Variants in MED9 observed in about 807,000 individuals in gnomAD.
MED9 encodes the protein mediator of RNA polymerase II transcription subunit 9.
MED9 carries 8 observed loss-of-function variants against 13.2 expected under a neutral mutation model. That is an observed-to-expected ratio of 0.61 (90% CI 0.36 to 1.10). The LOEUF (loss-of-function observed/expected upper bound fraction) is 1.10. Ranked by LOEUF, MED9 falls within the 50% of genes least tolerant of loss-of-function variation. MED9 has a pLI of 0.02. For synonymous variants in MED9, 87 were observed against 82.8 expected (o/e 1.05, Z -0.28); for missense variants, 180 against 193.4 (o/e 0.93, Z 0.41).
intron 1 of MED9, among the ~76,000 whole-genome samples, chr17:17,479,688 CATG>C (rs1289608915): frequency 6.6e-6 from 1 of 152,048 alleles, no homozygotes; most frequent in Non-Finnish European, 1.5e-5. Context: ...ATTAGCCAGG[CATG>C]GTGGTGTGTG....
chr17:17,489,876 G>A lies in MED9; in HGVS notation c.225-1403G>A, dbSNP rs866174091. ...ATGGTGGCCATCTGATTTGCAAGGT[G>A]TGAGACGTAACTGATGGATCGCCAG... On this transcript the variant is annotated intron_variant, in intron 1 of 1. Transcript: ENST00000268711. 2.6e-5 allele frequency among the ~76,000 whole-genome samples: 4 copies of A among 152,354 alleles called. No individual in the cohort carries two copies. The South Asian group carries it at 6.2e-4, about 24-fold the overall frequency.
chr17:17,491,799 G>T lies in MED9; in HGVS notation c.*304G>T. 1 of 396,176 alleles carries T rather than the reference G, an allele frequency of 2.5e-6. No individual in the cohort carries two copies. Among genetic ancestry groups the T allele is most frequent in the Non-Finnish European group, 4.8e-6 (1 of 209,364 alleles). 24.5% of individuals were successfully genotyped at this position (396,176 alleles called of 1,614,324 possible). On this transcript the variant is annotated 3_prime_UTR_variant, in exon 2 of 2. Coordinates refer to ENST00000268711, the MANE Select transcript of MED9 (RefSeq NM_018019.3). Reference sequence around the variant, plus strand: ...GGGTGGAGGACTCTCCCCTGCCTCTGGGGAGGGGGCCATCTGCTGCGCCCG... The same window carrying T: ...GGGTGGAGGACTCTCCCCTGCCTCTTGGGAGGGGGCCATCTGCTGCGCCCG...
Position 17,483,550 on chromosome 17 carries a change from T to C in MED9, c.224+6285T>C, listed in dbSNP as rs1434294250. On this transcript the variant is annotated intron_variant, in intron 1 of 1. Transcript: ENST00000268711. This position sits in a 1 kb window ranked among gnomAD's most constrained non-coding sequence, Gnocchi z 4.2. ...AGTGCTCTGGCTGGGACAGCCCTGCTTGGAGTTGGAACCCATAGCACTTTC... is the reference window on the plus strand; with the variant it reads ...AGTGCTCTGGCTGGGACAGCCCTGCCTGGAGTTGGAACCCATAGCACTTTC... 6.6e-6 allele frequency among the ~76,000 whole-genome samples: 1 copy of C among 152,234 alleles called. No individual in the cohort carries two copies. The highest frequency in any genetic ancestry group is 1.5e-5 in the Non-Finnish European group (1 of 68,042).
rs199591223 is a variant in MED9, at chr17:17,491,543, C to T, written c.*48C>T. On this transcript the variant is annotated 3_prime_UTR_variant, in exon 2 of 2. Transcript: ENST00000268711. ...AGAGGGGGAAGCCAATGGCCTGTCT[C>T]CCCACTACCATCCCCAAACGCTCCT... 1.3e-4 allele frequency: 194 copies of T among 1,516,518 alleles called. No homozygotes were observed. Among genetic ancestry groups the T allele is most frequent in the Non-Finnish European group, 1.7e-4 (186 of 1,095,544 alleles). 93.9% of individuals were successfully genotyped at this position (1,516,518 alleles called of 1,614,324 possible). A position where few individuals can be genotyped will look rare whatever the true frequency, so the allele number is the denominator to read the frequency against.
chr17:17,491,486 C>T lies in MED9; in HGVS notation c.432C>T (p.Pro144=), dbSNP rs760637504. 3 of 1,611,638 alleles carry T rather than the reference C, an allele frequency of 1.9e-6. No individual in the cohort carries two copies. Among genetic ancestry groups the T allele is most frequent in the Admixed American group, 3.3e-5 (2 of 60,028 alleles). The part of the protein sequence containing the change: ...KYKSLCMFEI[P]KE Reference sequence around the variant, plus strand: ...AGAGCCTCTGCATGTTCGAAATCCCCAAGGAGTAGAGTGAGGCTGACTTCC... The same window carrying T: ...AGAGCCTCTGCATGTTCGAAATCCCTAAGGAGTAGAGTGAGGCTGACTTCC... Residue 144 remains proline (P), a synonymous_variant, in exon 2 of 2, where the codon CCC becomes CCT. Coordinates refer to ENST00000268711, the MANE Select transcript of MED9 (RefSeq NM_018019.3).
At chr17:17,484,868 C>T (rs73294315) in intron 1 of MED9, among the ~76,000 whole-genome samples, 10,600 of 152,192 alleles carry the variant, frequency 0.07, 728 homozygotes, top group African/African-American at 0.18. Flanking sequence ...CAAGCATTTA[C>T]GTGGGTCCTG....
rs1450455517 is a variant in MED9 at position 17,492,297 on chromosome 17, A to G, written c.*802A>G. ...GTTGACAAGGGGCCGTCCTTTCCACACAGGCCAGAAGAGGTCTTCAGGCGA... is the reference window on the plus strand; with the variant it reads ...GTTGACAAGGGGCCGTCCTTTCCACGCAGGCCAGAAGAGGTCTTCAGGCGA... On this transcript the variant is annotated 3_prime_UTR_variant, in exon 2 of 2. Transcript: ENST00000268711. 6.6e-6 allele frequency: 1 copy of G among 152,434 alleles called. No homozygotes were observed. The highest frequency in any genetic ancestry group is 6.5e-5 in the Admixed American group (1 of 15,288). The allele number at this position is 152,434 out of a possible 1,614,324, so 9.4% of individuals were successfully genotyped here.
At position 17,493,186 on chromosome 17, in the gene MED9, CAT is replaced by C. The variant is rs1271432222; in HGVS notation, c.*1693_*1694del. 2.6e-5 allele frequency: 4 copies of C among 152,168 alleles called. No homozygotes were observed. The highest frequency in any genetic ancestry group is 9.7e-5 in the African/African-American group (4 of 41,416). The allele number at this position is 152,168 out of a possible 1,614,324, so 9.4% of individuals were successfully genotyped here. ...TTTGACTTGTGACATTTTTCAAACA[CAT>C]AATTAAAAGGACTTATGCTCTGCTG... On this transcript the variant is annotated 3_prime_UTR_variant, in exon 2 of 2. Coordinates refer to ENST00000268711, the MANE Select transcript of MED9 (RefSeq NM_018019.3).
chr17:17,491,256 T>C, intron 1 of MED9, 23 bp from the exon 2 acceptor site: 5 of 1,601,038 alleles, frequency 3.1e-6, no homozygotes, highest in Non-Finnish European at 4.3e-6. Context: ...CTGTGAATGC[T>C]AACAGCTGTT....
At chr17:17,479,940 T>C (rs540513707) in intron 1 of MED9, among the ~76,000 whole-genome samples, 1 of 152,284 alleles carries the variant, frequency 6.6e-6, no homozygotes, top group East Asian at 1.9e-4. Flanking sequence ...TCAGGAACTC[T>C]AGTGCAAGGA....
intron 1 of MED9, among the ~76,000 whole-genome samples, chr17:17,480,220 G>A (rs1370472606): frequency 1.3e-5 from 2 of 152,142 alleles, no homozygotes; most frequent in Non-Finnish European, 2.9e-5. Context: ...GAGGGATTAA[G>A]AGAAAGTTCA....
chr17:17,484,479 A>G (rs949250194), intron 1 of MED9, among the ~76,000 whole-genome samples: 1 of 152,234 alleles, frequency 6.6e-6, no homozygotes, highest in Non-Finnish European at 1.5e-5. Flanking sequence ...CCACTCAAGT[A>G]TCTATTTTAA....
intron 1 of MED9, among the ~76,000 whole-genome samples, chr17:17,481,429 A>G (rs1905032322): frequency 6.6e-6 from 1 of 152,242 alleles, no homozygotes; most frequent in Non-Finnish European, 1.5e-5. Context: ...GTTTAGAAGT[A>G]CAGAGAAACG....
rs1198947968 is a variant in MED9, at chr17:17,491,923, C to G, written c.*428C>G. The stretch of plus-strand genomic sequence containing the variant: ...CCCACCCCCATAGGATCAGTGTGTA[C>G]CAGGTACACATTGTTCCTGTTAACA... On this transcript the variant is annotated 3_prime_UTR_variant, in exon 2 of 2. Transcript: ENST00000268711. The G allele has an allele frequency of 4.1e-6, 1 of 241,284 alleles. No individual in the cohort carries two copies. The highest frequency in any genetic ancestry group is 8.3e-6 in the Non-Finnish European group (1 of 121,148). 14.9% of individuals were successfully genotyped at this position (241,284 alleles called of 1,614,324 possible).
chr17:17,478,005 A>T (rs1904957348), intron 1 of MED9, among the ~76,000 whole-genome samples: 1 of 151,930 alleles, frequency 6.6e-6, no homozygotes, highest in Admixed American at 6.6e-5. Flanking sequence ...CTAAATTATT[A>T]TTTTTTTTGA....
intron 1 of MED9, among the ~76,000 whole-genome samples, chr17:17,484,628 C>T (rs1905092741): frequency 6.6e-6 from 1 of 152,260 alleles, no homozygotes; most frequent in African/African-American, 2.4e-5. Flanking sequence ...TTTCTTCTCC[C>T]TCAGCCACAC....
intron 1 of MED9, among the ~76,000 whole-genome samples, chr17:17,490,885 A>G (rs760002286): frequency 6.6e-6 from 1 of 152,238 alleles, no homozygotes; most frequent in Admixed American, 6.5e-5. Flanking sequence ...CATTGAACCA[A>G]CATGTTCATG....
intron 1 of MED9, among the ~76,000 whole-genome samples, chr17:17,488,608 C>T (rs999573128): frequency 9.2e-5 from 14 of 152,222 alleles, no homozygotes; most frequent in Middle Eastern, 3.4e-3. Context: ...TTGAGGTGGG[C>T]GGATCACCTG....
chr17:17,482,996 A>G (rs772811305), intron 1 of MED9, among the ~76,000 whole-genome samples: 3 of 151,958 alleles, frequency 2.0e-5, no homozygotes, highest in Non-Finnish European at 4.4e-5. Flanking sequence ...TTTAAGGTTA[A>G]TTTTTCACCC....
Sources: gnomAD v4.1 joint callset for allele counts (sites outside exome capture counted in the v4.1 genomes callset) on GRCh38, gnomAD v4.1.1 for gene constraint, Gnocchi (gnomAD v3.1) non-coding constraint, MANE v1.5 for transcripts, NCBI Gene and HGNC (gene_info 2026-07-23, HGNC 2026-07-21) for gene names.